The following BBS7 variants were observed in gnomAD, a reference collection of about 807,000 sequenced individuals.
BBS7 encodes Bardet-Biedl syndrome 7.
A neutral mutation model predicts 90.3 loss-of-function variants in BBS7; 50 were observed. That is an observed-to-expected ratio of 0.55 (90% CI 0.44 to 0.70). The LOEUF is 0.70. Among genes scored for constraint, BBS7 ranks in the 30% least tolerant of loss-of-function variants. The pLI, the probability that BBS7 is intolerant of heterozygous loss-of-function variation, is 0.00. For synonymous variants in BBS7, 235 were observed against 287.4 expected (o/e 0.82, Z 1.85); for missense variants, 729 against 838.9 (o/e 0.87, Z 1.62).
At chr4:121,860,967 C>G (rs1427456785) in intron 4 of BBS7, among the ~76,000 whole-genome samples, 1 of 152,126 alleles carries the variant, frequency 6.6e-6, no homozygotes, top group East Asian at 1.9e-4. Flanking sequence ...TTCTAAGTAG[C>G]AAATATAAGA....
At chr4:121,863,893 C>A (rs1727118631) in intron 2 of BBS7, among the ~76,000 whole-genome samples, 1 of 152,150 alleles carries the variant, frequency 6.6e-6, no homozygotes, top group Non-Finnish European at 1.5e-5. Context: ...ACACTTCTTC[C>A]TCAAAAGTAG....
At chr4:121,870,176 C>A in intron 1 of BBS7, 102 bp downstream of exon 1, 1 of 1,501,296 alleles carries the variant, frequency 6.7e-7, no homozygotes, top group Non-Finnish European at 9.3e-7. Context: ...TTCGCCTCCG[C>A]ACCAGCTCCT....
intron 2 of BBS7, among the ~76,000 whole-genome samples, chr4:121,866,613 A>G (rs1402665952): frequency 6.6e-6 from 1 of 152,072 alleles, no homozygotes; most frequent in East Asian, 1.9e-4. Context: ...ATGGGGTGAG[A>G]GGTGGGGGTC....
intron 5 of BBS7, among the ~76,000 whole-genome samples, chr4:121,856,385 C>A (rs1726670591): frequency 6.6e-6 from 1 of 152,160 alleles, no homozygotes; most frequent in Non-Finnish European, 1.5e-5. Flanking sequence ...CTTATACTCA[C>A]ATGGAAAAAA....
chr4:121,858,802 C>T, intron 5 of BBS7, 190 bp downstream of exon 5: 1 of 605,546 alleles, frequency 1.7e-6, no homozygotes, highest in Admixed American at 3.2e-5. Flanking sequence ...ATATGCTTCT[C>T]TTAAAAACTT....
chr4:121,839,700 G>T lies in BBS7; in HGVS notation c.1306-4C>A. ...CAAGAAGGAAGTTGTCGTTTGACTG[G>T]GAAGAATACAAAGTGGAGGAAAAGA... is the stretch of plus-strand genomic sequence containing the variant. On this transcript the variant is annotated splice_polypyrimidine_tract_variant and splice_region_variant and intron_variant, in intron 12 of 18. Transcript: ENST00000264499. The T allele has an allele frequency of 6.2e-7, 1 of 1,612,146 alleles. No homozygotes were observed. Among genetic ancestry groups the T allele is most frequent in the Non-Finnish European group, 8.5e-7 (1 of 1,178,450 alleles).
intron 9 of BBS7, 92 bp downstream of exon 9, chr4:121,848,752 T>G (rs1726145704): frequency 2.8e-6 from 3 of 1,067,614 alleles, no homozygotes; most frequent in Admixed American, 1.8e-5. Flanking sequence ...ACTATAACTG[T>G]TTTTTAAAAA....
intron 7 of BBS7, among the ~76,000 whole-genome samples, chr4:121,854,482 AT>A (rs1252420873): frequency 6.6e-6 from 1 of 152,192 alleles, no homozygotes; most frequent in Admixed American, 6.6e-5. Context: ...ATATTAGCCT[AT>A]AAAAACGTAT....
intron 12 of BBS7, 116 bp from the exon 13 acceptor site, chr4:121,839,812 C>T (rs185305613): frequency 6.8e-6 from 6 of 876,274 alleles, no homozygotes; most frequent in Admixed American, 6.3e-5. Context: ...TGGTGCTCAG[C>T]GCTTTTCAAA....
At position 121,851,938 on chromosome 4, in the gene BBS7, G is replaced by A. The variant is rs550819036; in HGVS notation, c.849+1018C>T. ...AAATGCTATGACATTTCTGGGGTTT[G>A]GAATAAAAGTCAAAGAGGAGACTTG... On this transcript the variant is annotated intron_variant, in intron 8 of 18. Coordinates refer to ENST00000264499, the MANE Select transcript of BBS7 (RefSeq NM_176824.3). 2.1e-4 allele frequency among the ~76,000 whole-genome samples: 32 copies of A among 152,284 alleles called. No homozygotes were observed. In the South Asian group the frequency reaches 5.2e-3, roughly 25 times the overall value.
chr4:121,828,439 A>C lies in BBS7; in HGVS notation c.1853T>G (p.Leu618Arg). Residue 618 changes from leucine (L) to arginine (R), a missense_variant, in exon 17 of 19, where the codon CTT (leucine) becomes CGT (arginine). Leu to Arg is a moderately radical substitution (Grantham distance 102). Coordinates refer to ENST00000264499, the MANE Select transcript of BBS7 (RefSeq NM_176824.3). ...AATTAACTGCACTTTCTTAGCCAAAAGCAACTGGTACTCCAGCTTTGGGTG... is the reference window on the plus strand; with the variant it reads ...AATTAACTGCACTTTCTTAGCCAAACGCAACTGGTACTCCAGCTTTGGGTG... ...LIHPKLEYQL[L>R]LAKKVQLIDA... The C allele has an allele frequency of 6.2e-7, 1 of 1,613,990 alleles. No homozygotes were observed. The highest frequency in any genetic ancestry group is 8.5e-7 in the Non-Finnish European group (1 of 1,179,924).
chr4:121,830,008 T>C (rs1441650879), intron 15 of BBS7, among the ~76,000 whole-genome samples: 1 of 152,252 alleles, frequency 6.6e-6, no homozygotes, highest in African/African-American at 2.4e-5. Context: ...TGACCAAGTT[T>C]CCTAATTAAT....
intron 7 of BBS7, 136 bp downstream of exon 7, chr4:121,854,568 C>CAAAT: frequency 1.2e-6 from 1 of 810,692 alleles, no homozygotes; most frequent in Non-Finnish European, 1.8e-6. Flanking sequence ...GACAAATAAA[C>CAAAT]AAATAGTAGA....
At chr4:121,851,206 G>C (rs749546089) in intron 8 of BBS7, among the ~76,000 whole-genome samples, 12 of 152,000 alleles carry the variant, frequency 7.9e-5, no homozygotes, top group Non-Finnish European at 5.9e-5. Context: ...AATATACTTG[G>C]AAAACATTAC....
rs1455507539 is a variant in BBS7 at position 121,844,862 on chromosome 4, TA to T, written c.1230+641del. On this transcript the variant is annotated intron_variant, in intron 11 of 18. Coordinates refer to ENST00000264499, the MANE Select transcript of BBS7 (RefSeq NM_176824.3). Reference sequence around the variant, plus strand: ...AAAAAAAATGTTCTAGCAAGGGCATTAAATATGGTAGTTTTCTAAGTCACAT... The same window carrying T: ...AAAAAAAATGTTCTAGCAAGGGCATTAATATGGTAGTTTTCTAAGTCACAT... 2.0e-5 allele frequency among the ~76,000 whole-genome samples: 3 copies of T among 152,180 alleles called. No homozygotes were observed. The East Asian group carries it at 5.8e-4, about 29-fold the overall frequency.
At position 121,859,187 on chromosome 4, in the gene BBS7, A is replaced by G; in HGVS notation, c.342-9T>C. The G allele has an allele frequency of 1.2e-6, 2 of 1,612,294 alleles. No individual in the cohort carries two copies. Among genetic ancestry groups the G allele is most frequent in the Non-Finnish European group, 1.7e-6 (2 of 1,178,428 alleles). On this transcript the variant is annotated splice_polypyrimidine_tract_variant and intron_variant, in intron 4 of 18. Transcript: ENST00000264499. ...CTGAGCCAGATATGTGCCTGAGAAC[A>G]TTAAAATAGTAATTTTTAAAAATAA...
chr4:121,857,952 G>A (rs1183007784), intron 5 of BBS7, among the ~76,000 whole-genome samples: 1 of 151,954 alleles, frequency 6.6e-6, no homozygotes, highest in Non-Finnish European at 1.5e-5. Flanking sequence ...GATTACAGGT[G>A]TGTGCTACTG....
rs573517355 is a variant in BBS7 at position 121,827,947 on chromosome 4, GAATT to G, written c.2014+195_2014+198del. 8.0e-6 allele frequency: 11 copies of G among 1,371,782 alleles called. No homozygotes were observed. In the African/African-American group the frequency reaches 1.2e-4, roughly 15 times the overall value. 85.0% of individuals were successfully genotyped at this position (1,371,782 alleles called of 1,614,324 possible). On this transcript the variant is annotated intron_variant, in intron 18 of 18. Coordinates refer to ENST00000264499, the MANE Select transcript of BBS7 (RefSeq NM_176824.3). Reference sequence around the variant, plus strand: ...TATACTTGCATTTTATCAAGTAAAAGAATTAAATATTAAAAGTAGCTTGACAAAA... The same window carrying G: ...TATACTTGCATTTTATCAAGTAAAAGAAATATTAAAAGTAGCTTGACAAAA...
In BBS7 at chr4:121,847,606, T is replaced by G. The variant is rs576113990; in HGVS notation, c.935-100A>C. The G allele has an allele frequency of 8.4e-6, 7 of 830,020 alleles. No homozygotes were observed. In the African/African-American group the frequency reaches 1.0e-4, roughly 12 times the overall value. The allele number at this position is 830,020 out of a possible 1,614,324, so 51.4% of individuals were successfully genotyped here. A position where few individuals can be genotyped will look rare whatever the true frequency, so the allele number is the denominator to read the frequency against. ...AGAAACTCCAATGTACATGCCCCTT[T>G]GTCCACCAATATCAGCCTAACTTAA... On this transcript the variant is annotated intron_variant, in intron 9 of 18. Coordinates refer to ENST00000264499, the MANE Select transcript of BBS7 (RefSeq NM_176824.3).
Sources: allele counts gnomAD v4.1 joint callset (sites outside exome capture counted in the v4.1 genomes callset), GRCh38; gene constraint gnomAD v4.1.1; transcripts MANE v1.5; gene names NCBI Gene and HGNC (gene_info 2026-07-23, HGNC 2026-07-21).